ZFHX2: variants seen among roughly 807,000 people sequenced by gnomAD.
ZFHX2 encodes zinc finger homeobox protein 2.
In ZFHX2, 75 loss-of-function variants were observed where a neutral mutation model predicts 164.8. The observed-to-expected ratio is 0.46, with a 90% confidence interval of 0.38 to 0.55. The LOEUF is 0.55. Ranked by LOEUF, ZFHX2 falls within the 20% of genes least tolerant of loss-of-function variation. The probability of loss-of-function intolerance (pLI) is 0.00; values close to 1 mark genes in which losing one functional copy is unlikely to be tolerated. For synonymous variants in ZFHX2, 1,217 were observed against 1,351.4 expected (o/e 0.90, Z 2.18); for missense variants, 2,933 against 3,308.0 (o/e 0.89, Z 2.78).
chr14:23,527,603 C>T lies in ZFHX2; in HGVS notation c.3135+1G>A. The T allele has an allele frequency of 6.5e-7, 1 of 1,536,718 alleles. No homozygotes were observed. Among genetic ancestry groups the T allele is most frequent in the Non-Finnish European group, 8.7e-7 (1 of 1,146,996 alleles). ...ACCGTCCTCACCCAGCCTGTACTCACTACAAGCAGCAGCTTCTCAACGCAC... is the reference window on the plus strand; with the variant it reads ...ACCGTCCTCACCCAGCCTGTACTCATTACAAGCAGCAGCTTCTCAACGCAC... On this transcript the variant is annotated splice_donor_variant, in intron 7 of 9. Transcript: ENST00000419474. LOFTEE classifies it high-confidence loss of function.
upstream of ZFHX2, among the ~76,000 whole-genome samples, chr14:23,553,244 G>A (rs2138960519): frequency 6.6e-6 from 1 of 152,316 alleles, no homozygotes; most frequent in South Asian, 2.1e-4. Flanking sequence ...TTTATACTAT[G>A]TGACAGTTTA....
Position 23,534,083 on chromosome 14 carries a change from G to T in ZFHX2, c.1243C>A (p.Pro415Thr). 1 of 1,508,704 alleles carries T rather than the reference G, an allele frequency of 6.6e-7. No individual in the cohort carries two copies. The highest frequency in any genetic ancestry group is 1.3e-5 in the South Asian group (1 of 78,904). 93.5% of individuals were successfully genotyped at this position (1,508,704 alleles called of 1,614,324 possible). ...PVGSPEDPSD[P>T]PQPYRLADDY... ...TCAGCTAGGCGATAGGGCTGGGGTG[G>T]GTCACTGGGGTCTTCGGGGGAGCCC... is the stretch of plus-strand genomic sequence containing the variant. The change falls in exon 2 of 10, where the codon CCA becomes ACA. Residue 415 changes from proline to threonine, a missense_variant. Transcript: ENST00000419474. This position sits in a 1 kb window ranked among gnomAD's most constrained non-coding sequence, Gnocchi z 4.5.
upstream of ZFHX2, among the ~76,000 whole-genome samples, chr14:23,555,557 T>A (rs1178594600): frequency 1.3e-5 from 2 of 152,166 alleles, no homozygotes; most frequent in Non-Finnish European, 2.9e-5. Context: ...TACCACTTTA[T>A]TCTCTGACAG....
chr14:23,549,421 G>C (rs1300802343), intron 1 of ZFHX2, among the ~76,000 whole-genome samples: 1 of 152,136 alleles, frequency 6.6e-6, no homozygotes, highest in Non-Finnish European at 1.5e-5. Flanking sequence ...GAAAAACAAT[G>C]ATGGGCTAAA....
intron 6 of ZFHX2, 73 bp from the exon 7 acceptor site, chr14:23,527,877 T>TGCA (rs2138713059): frequency 7.5e-7 from 1 of 1,341,120 alleles, no homozygotes; most frequent in South Asian, 1.3e-5. Flanking sequence ...GTCCTTTGGA[T>TGCA]GCAGCACTGG....
At position 23,523,023 on chromosome 14, in the gene ZFHX2, C is replaced by G. The variant is rs895007266; in HGVS notation, c.6740-82G>C. The G allele has an allele frequency of 1.3e-5, 18 of 1,416,440 alleles. No homozygotes were observed. Among genetic ancestry groups the G allele is most frequent in the Non-Finnish European group, 1.8e-6 (2 of 1,090,036 alleles). 87.7% of individuals were successfully genotyped at this position (1,416,440 alleles called of 1,614,324 possible). A position where few individuals can be genotyped will look rare whatever the true frequency, so the allele number is the denominator to read the frequency against. On this transcript the variant is annotated intron_variant, in intron 9 of 9. Transcript: ENST00000419474. This position sits in a 1 kb window ranked among gnomAD's most constrained non-coding sequence, Gnocchi z 4.1. ...CTGCCATAGGCCACCTCCAGCCACA[C>G]ACACCCGTTCCCAGCACCGGATTTC...
rs151230070 is a variant in ZFHX2, at chr14:23,535,263, C to T, written c.63G>A (p.Pro21=). Reference sequence around the variant, plus strand: ...AGGAGAAGGTGTCCGAAGGCAGGGACGGGGCATTGTGCCCAGGGGAGGGGG... The same window carrying T: ...AGGAGAAGGTGTCCGAAGGCAGGGATGGGGCATTGTGCCCAGGGGAGGGGG... ...GTTPSPGHNA[P]SLPSDTFSSS... The change falls in exon 2 of 10, where the codon CCG becomes CCA. Residue 21 remains proline, a synonymous_variant. Coordinates refer to ENST00000419474, the MANE Select transcript of ZFHX2 (RefSeq NM_033400.3). This position sits in a 1 kb window ranked among gnomAD's most constrained non-coding sequence, Gnocchi z 4.5. 3.2e-5 allele frequency: 48 copies of T among 1,501,844 alleles called. No homozygotes were observed. Among genetic ancestry groups the T allele is most frequent in the Admixed American group, 2.0e-4 (10 of 49,298 alleles). 93.0% of individuals were successfully genotyped at this position (1,501,844 alleles called of 1,614,324 possible).
At position 23,534,898 on chromosome 14, in the gene ZFHX2, G is replaced by A. The variant is rs1205610371; in HGVS notation, c.428C>T (p.Pro143Leu). The A allele has an allele frequency of 3.9e-6, 6 of 1,536,038 alleles. No homozygotes were observed. In the African/African-American group the frequency reaches 8.2e-5, roughly 21 times the overall value. ...TTCCTTGATGCCCGCCTCACCCCAG[G>A]GGAAGCCCTTTGGTAACAGGAGTTC... ...GSELLLPKGF[P>L]WGEAGIKEEP... Residue 143 changes from proline (P) to leucine (L), a missense_variant, in exon 2 of 10, where the codon CCC (proline) becomes CTC (leucine). Transcript: ENST00000419474. The surrounding 1 kb of genome is among the most constrained non-coding windows in gnomAD (Gnocchi z 4.5).
Position 23,525,252 on chromosome 14 carries a change from C to A in ZFHX2, c.4690G>T (p.Ala1564Ser). ...VPEPEAGGTR[A>S]PEERSRAGGH... ...CCTGCTCGACTTCGCTCTTCAGGGG[C>A]ACGGGTCCCCCCTGCCTCAGGCTCT... The change falls in exon 9 of 10, where the codon GCC (alanine) becomes TCC (serine). Residue 1564 changes from alanine (A) to serine (S), a missense_variant. Coordinates refer to ENST00000419474, the MANE Select transcript of ZFHX2 (RefSeq NM_033400.3). This position sits in a 1 kb window ranked among gnomAD's most constrained non-coding sequence, Gnocchi z 5.9. 6.5e-7 allele frequency: 1 copy of A among 1,536,118 alleles called. No homozygotes were observed. The highest frequency in any genetic ancestry group is 8.7e-7 in the Non-Finnish European group (1 of 1,146,902).
chr14:23,533,639 G>C lies in ZFHX2; in HGVS notation c.1687C>G (p.Pro563Ala). Residue 563 changes from proline (P) to alanine (A), a missense_variant, in exon 2 of 10, where the codon CCT becomes GCT. By Grantham distance (27) the Pro-to-Ala change is conservative (BLOSUM62 -1). Coordinates refer to ENST00000419474, the MANE Select transcript of ZFHX2 (RefSeq NM_033400.3). This position sits in a 1 kb window ranked among gnomAD's most constrained non-coding sequence, Gnocchi z 4.8. ...CACTGCCAGGATGATTTGGTCTTAGGCTCTTTGTCTCCCGCGGAGGGTGGG... is the reference window on the plus strand; with the variant it reads ...CACTGCCAGGATGATTTGGTCTTAGCCTCTTTGTCTCCCGCGGAGGGTGGG... The part of the protein sequence containing the change: ...SLPPSAGDKE[P>A]KTKSSWQCKV... 6.5e-7 allele frequency: 1 copy of C among 1,536,984 alleles called. No individual in the cohort carries two copies. The highest frequency in any genetic ancestry group is 1.2e-5 in the South Asian group (1 of 84,068).
intron 1 of ZFHX2, among the ~76,000 whole-genome samples, chr14:23,545,033 C>T (rs182647499): frequency 1.3e-5 from 2 of 152,120 alleles, no homozygotes; most frequent in African/African-American, 4.8e-5. Context: ...CATCACCCTC[C>T]CTTTTTTCTC....
intron 6 of ZFHX2, chr14:23,528,589 A>G: frequency 1.0e-6 from 1 of 983,738 alleles, no homozygotes; most frequent in Non-Finnish European, 1.2e-6. Flanking sequence ...GTCCCTGCCC[A>G]CTCTGCCTCT....
rs1878439403 is a variant in ZFHX2, at chr14:23,524,398, T to C, written c.5544A>G (p.Gly1848=). ...CCCTGGGGGGCTCGCCCTCCCCTCC[T>C]CCCCCTGCTTCACTGCCTGTGGGAG... ...SLSPTGSEAG[G]GGEGEPPRDK... is the part of the protein sequence containing the mutation. The change falls in exon 9 of 10, where the codon GGA becomes GGG. Residue 1848 remains glycine, a synonymous_variant. Coordinates refer to ENST00000419474, the MANE Select transcript of ZFHX2 (RefSeq NM_033400.3). The surrounding 1 kb of genome is among the most constrained non-coding windows in gnomAD (Gnocchi z 5.6). The C allele has an allele frequency of 6.5e-7, 1 of 1,536,094 alleles. No homozygotes were observed. The highest frequency in any genetic ancestry group is 1.4e-5 in the African/African-American group (1 of 73,140).
rs1879992054 is a variant in ZFHX2, at chr14:23,535,013, G to A, written c.313C>T (p.Leu105Phe). 6.5e-7 allele frequency: 1 copy of A among 1,536,116 alleles called. No homozygotes were observed. Among genetic ancestry groups the A allele is most frequent in the South Asian group, 1.2e-5 (1 of 84,058 alleles). The change falls in exon 2 of 10, where the codon CTC (leucine) becomes TTC (phenylalanine). Residue 105 changes from leucine to phenylalanine, a missense_variant. Transcript: ENST00000419474. The surrounding 1 kb of genome is among the most constrained non-coding windows in gnomAD (Gnocchi z 4.5). ...TGGTTGCTTAGGTCCATGGGAGGGAGCCCTTCTTCTTCCTCCTCCTGCTCC... is the reference window on the plus strand; with the variant it reads ...TGGTTGCTTAGGTCCATGGGAGGGAACCCTTCTTCTTCCTCCTCCTGCTCC... ...DKEQEEEEEGLPPMDLSNHLF... is the reference protein window; with the variant it reads ...DKEQEEEEEGFPPMDLSNHLF...
rs1878036876 is a variant in ZFHX2 at position 23,521,860 on chromosome 14, G to C, written c.*102C>G. 1 of 1,490,782 alleles carries C rather than the reference G, an allele frequency of 6.7e-7. No individual in the cohort carries two copies. Among genetic ancestry groups the C allele is most frequent in the Non-Finnish European group, 8.9e-7 (1 of 1,126,040 alleles). 92.3% of individuals were successfully genotyped at this position (1,490,782 alleles called of 1,614,324 possible). A position where few individuals can be genotyped will look rare whatever the true frequency, so the allele number is the denominator to read the frequency against. ...TGAACAGTTCCTGTGAGGTGGGCGG[G>C]GCCAGGGGGTGGGGTGAGGGATTTG... On this transcript the variant is annotated 3_prime_UTR_variant, in exon 10 of 10. Transcript: ENST00000419474.
At position 23,525,832 on chromosome 14, in the gene ZFHX2, G is replaced by A. The variant is rs555668616; in HGVS notation, c.4110C>T (p.His1370=). Reference sequence around the variant, plus strand: ...TCAGCTTGGGCCCCACCTTGAGATCGTGGAGGTAGAAGGGCAGGAGCAGCT... The same window carrying A: ...TCAGCTTGGGCCCCACCTTGAGATCATGGAGGTAGAAGGGCAGGAGCAGCT... The part of the protein sequence containing the change: ...QQQLLLPFYL[H]DLKVGPKLTL... The change falls in exon 9 of 10, where the codon CAC becomes CAT. Residue 1370 remains histidine, a synonymous_variant. Transcript: ENST00000419474. This position sits in a 1 kb window ranked among gnomAD's most constrained non-coding sequence, Gnocchi z 5.9. The A allele has an allele frequency of 2.6e-5, 38 of 1,457,926 alleles. No homozygotes were observed. The highest frequency in any genetic ancestry group is 1.3e-4 in the Admixed American group (5 of 38,738). The allele number at this position is 1,457,926 out of a possible 1,614,324, so 90.3% of individuals were successfully genotyped here.
At chr14:23,530,354 C>A (rs768419907) in intron 4 of ZFHX2, 160 bp from the exon 5 acceptor site, 1 of 706,202 alleles carries the variant, frequency 1.4e-6, no homozygotes, top group Non-Finnish European at 2.5e-6. Flanking sequence ...AAAGAAACAC[C>A]CACACAGAAG....
At position 23,523,307 on chromosome 14, in the gene ZFHX2, A is replaced by T. The variant is rs1378223117; in HGVS notation, c.6635T>A (p.Met2212Lys). Residue 2212 changes from methionine (M) to lysine (K), a missense_variant, in exon 9 of 10, where the codon ATG becomes AAG. Coordinates refer to ENST00000419474, the MANE Select transcript of ZFHX2 (RefSeq NM_033400.3). The surrounding 1 kb of genome is among the most constrained non-coding windows in gnomAD (Gnocchi z 4.1). ...CAAGGTTGGGGCAGCCCCGAGGGGC[A>T]TGGAGGCAGGTGTGGTGGCAGGTGG... ...KAPPATTPAS[M>K]PLGAAPTLPR... is the part of the protein sequence containing the mutation. The T allele has an allele frequency of 6.9e-7, 1 of 1,448,966 alleles. No individual in the cohort carries two copies. Among genetic ancestry groups the T allele is most frequent in the African/African-American group, 1.4e-5 (1 of 70,198 alleles). The allele number at this position is 1,448,966 out of a possible 1,614,324, so 89.8% of individuals were successfully genotyped here. A position where few individuals can be genotyped will look rare whatever the true frequency, so the allele number is the denominator to read the frequency against.
chr14:23,543,384 T>A (rs1435603865), intron 1 of ZFHX2: 1 of 152,250 alleles, frequency 6.6e-6, no homozygotes, highest in African/African-American at 2.4e-5. Context: ...GTACCTCTGC[T>A]CTTGGGTTAA....
Sources: gnomAD v4.1 joint callset for allele counts (sites outside exome capture counted in the v4.1 genomes callset) on GRCh38, gnomAD v4.1.1 for gene constraint, Gnocchi (gnomAD v3.1) non-coding constraint, MANE v1.5 for transcripts, NCBI Gene and HGNC (gene_info 2026-07-23, HGNC 2026-07-21) for gene names.